CP: variants seen among roughly 807,000 people sequenced by gnomAD.
The protein encoded by CP is caeruloplasmin.
CP carries 64 observed loss-of-function variants against 122.4 expected under a neutral mutation model. The observed-to-expected ratio is 0.52, with a 90% CI of 0.43 to 0.64. The LOEUF is 0.64. CP is among the 30% of genes least tolerant of loss of function. The pLI is 0.00. For missense variants in CP, 1,167 were observed against 1,284.4 expected (o/e 0.91, Z 1.40); for synonymous variants, 440 against 436.4 (o/e 1.01, Z -0.10).
In CP at chr3:149,194,647, T is replaced by C. The variant is rs561123720; in HGVS notation, c.1713+3720A>G. On this transcript the variant is annotated intron_variant, in intron 9 of 18. Coordinates refer to ENST00000264613, the MANE Select transcript of CP (RefSeq NM_000096.4). ...AATCCAAGATCCATATAAGAGGAACTATAAAATACTCTTGAAAAACACAAA... is the reference window on the plus strand; with the variant it reads ...AATCCAAGATCCATATAAGAGGAACCATAAAATACTCTTGAAAAACACAAA... 5.3e-5 allele frequency among the ~76,000 whole-genome samples: 8 copies of C among 152,208 alleles called. No individual in the cohort carries two copies. The South Asian group carries it at 1.7e-3, about 32-fold the overall frequency.
rs1345717285 is a variant in CP, at chr3:149,198,559, G to A, written c.1521C>T (p.Ser507=). ...PQSRSVPPSA[S]HVAPTETFTY... is the part of the protein sequence containing the mutation. Reference sequence around the variant, plus strand: ...TGAATGTTTCTGTGGGTGCCACATGGGAGGCTGAAGGAGGCACACCTGTGA... The same window carrying A: ...TGAATGTTTCTGTGGGTGCCACATGAGAGGCTGAAGGAGGCACACCTGTGA... The change falls in exon 9 of 19, where the codon TCC becomes TCT. Residue 507 remains serine, a synonymous_variant. Coordinates refer to ENST00000264613, the MANE Select transcript of CP (RefSeq NM_000096.4). 7 of 1,613,792 alleles carry A rather than the reference G, an allele frequency of 4.3e-6. No individual in the cohort carries two copies. In the East Asian group the frequency reaches 1.6e-4, roughly 36 times the overall value.
chr3:149,199,749 G>T lies in CP; in HGVS notation c.1464C>A (p.Gly488=). ...IGVRFNKNNE[G]TYYSPNYNPQ... ...GGTTGTAATTTGGGGAATAGTATGT[G>T]CCCTCGTTGTTCTTATTGAATCTCA... The change falls in exon 8 of 19, where the codon GGC becomes GGA. Residue 488 remains glycine, a synonymous_variant. Coordinates refer to ENST00000264613, the MANE Select transcript of CP (RefSeq NM_000096.4). 1 of 1,614,130 alleles carries T rather than the reference G, an allele frequency of 6.2e-7. No homozygotes were observed. Among genetic ancestry groups the T allele is most frequent in the Non-Finnish European group, 8.5e-7 (1 of 1,180,008 alleles).
chr3:149,191,869 G>A (rs965795115), intron 9 of CP, among the ~76,000 whole-genome samples: 3 of 151,882 alleles, frequency 2.0e-5, no homozygotes, highest in Non-Finnish European at 2.9e-5. Context: ...CATGCAGGAC[G>A]AATATGAAAA....
Position 149,217,389 on chromosome 3 carries a change from G to A in CP, c.146+4258C>T, listed in dbSNP as rs187281575. ...CAACATCAGCGCCTTGGGTTCCTAC[G>A]TAAGCAAACCAAAACCCAATTCAAT... is the stretch of plus-strand genomic sequence containing the variant. On this transcript the variant is annotated intron_variant, in intron 1 of 18. Coordinates refer to ENST00000264613, the MANE Select transcript of CP (RefSeq NM_000096.4). Among the ~76,000 whole-genome samples, 10 of 152,222 alleles carry A rather than the reference G, an allele frequency of 6.6e-5. No individual in the cohort carries two copies. In the East Asian group the frequency reaches 7.7e-4, roughly 12 times the overall value.
At chr3:149,215,721 G>C (rs1375109299) in intron 1 of CP, among the ~76,000 whole-genome samples, 1 of 152,184 alleles carries the variant, frequency 6.6e-6, no homozygotes, top group East Asian at 1.9e-4. Context: ...TTGCCAGTTA[G>C]ATATTCAGCC....
At position 149,182,148 on chromosome 3, in the gene CP, G is replaced by A; in HGVS notation, c.2426-15C>T. The A allele has an allele frequency of 6.2e-7, 1 of 1,613,934 alleles. No homozygotes were observed. ...AAGTTGTGGACCTGGCAAAAGTGAAGAGGAAGAGTGTCCAATCAGAAGGTC... is the reference window on the plus strand; with the variant it reads ...AAGTTGTGGACCTGGCAAAAGTGAAAAGGAAGAGTGTCCAATCAGAAGGTC... On this transcript the variant is annotated splice_polypyrimidine_tract_variant and intron_variant, in intron 13 of 18. Coordinates refer to ENST00000264613, the MANE Select transcript of CP (RefSeq NM_000096.4).
intron 9 of CP, among the ~76,000 whole-genome samples, chr3:149,193,713 A>G (rs1033097811): frequency 1.1e-4 from 17 of 152,180 alleles, no homozygotes; most frequent in African/African-American, 3.6e-4. Flanking sequence ...TTGTCAGCTT[A>G]ATACATTTTA....
intron 9 of CP, among the ~76,000 whole-genome samples, chr3:149,191,245 T>TTG: frequency 8.4e-4 from 1 of 1,184 alleles, no homozygotes; most frequent in Middle Eastern, 0.25. Flanking sequence ...ATTACGCTAT[T>TTG]TTTTTTTTTT....
chr3:149,177,790 T>G, intron 17 of CP, 50 bp downstream of exon 17: 3 of 1,590,440 alleles, frequency 1.9e-6, no homozygotes, highest in South Asian at 2.2e-5. Context: ...TTCACTTGTA[T>G]TAAAACATTT....
Position 149,207,770 on chromosome 3 carries a change from T to A in CP, c.782-153A>T, listed in dbSNP as rs1317341581. ...CTATACTCATGTCAGACATTGCTAA[T>A]CAATCACAGCACTCTTTCATTTTGG... On this transcript the variant is annotated intron_variant, in intron 4 of 18. Coordinates refer to ENST00000264613, the MANE Select transcript of CP (RefSeq NM_000096.4). 4 of 781,416 alleles carry A rather than the reference T, an allele frequency of 5.1e-6. No individual in the cohort carries two copies. The East Asian group carries it at 1.1e-4, about 21-fold the overall frequency. The allele number at this position is 781,416 out of a possible 1,614,324, so 48.4% of individuals were successfully genotyped here. A position where few individuals can be genotyped will look rare whatever the true frequency, so the allele number is the denominator to read the frequency against.
intron 4 of CP, among the ~76,000 whole-genome samples, chr3:149,208,904 T>G (rs1165084837): frequency 1.3e-5 from 2 of 152,196 alleles, no homozygotes; most frequent in Non-Finnish European, 2.9e-5. Context: ...TGGAGCTGCC[T>G]CAAATAATTT....
intron 1 of CP, among the ~76,000 whole-genome samples, chr3:149,217,245 TTAAAGTAAA>T (rs1253299775): frequency 6.6e-6 from 1 of 152,122 alleles, no homozygotes; most frequent in Non-Finnish European, 1.5e-5. Context: ...AATGAGTCAT[TTAAAGTAAA>T]TTTTCCAGAA....
chr3:149,212,796 A>G, intron 1 of CP, 98 bp from the exon 2 acceptor site: 1 of 1,393,408 alleles, frequency 7.2e-7, no homozygotes, highest in Non-Finnish European at 9.7e-7. Flanking sequence ...GAAATTAATG[A>G]GCACATCACA....
chr3:149,217,152 G>A (rs1299126103), intron 1 of CP, among the ~76,000 whole-genome samples: 4 of 151,992 alleles, frequency 2.6e-5, no homozygotes, highest in African/African-American at 9.7e-5. Context: ...ACCTGCCTTG[G>A]CCTCCCAAAG....
chr3:149,211,109 G>A (rs1403989465), intron 2 of CP, among the ~76,000 whole-genome samples: 1 of 152,122 alleles, frequency 6.6e-6, no homozygotes, highest in Non-Finnish European at 1.5e-5. Flanking sequence ...TTTATGCTAT[G>A]AATGTAATTT....
intron 9 of CP, among the ~76,000 whole-genome samples, chr3:149,188,490 CAAAAAAAAAAAA>C (rs60815739): frequency 6.7e-4 from 31 of 46,090 alleles, no homozygotes; most frequent in African/African-American, 1.4e-3. Flanking sequence ...TTGAAGCCTC[CAAAAAAAAAAAA>C]AAAAAAAAAA....
At chr3:149,171,144 G>T (rs181010451), downstream of CP, among the ~76,000 whole-genome samples, 149 of 152,226 alleles carry the variant, frequency 9.8e-4, 1 homozygote, top group Non-Finnish European at 7.4e-5. Flanking sequence ...TGGACGTGGT[G>T]GTGCGCACCT....
intron 4 of CP, among the ~76,000 whole-genome samples, chr3:149,208,523 C>T (rs1282671444): frequency 6.6e-6 from 1 of 152,078 alleles, no homozygotes; most frequent in Admixed American, 6.6e-5. Context: ...TATTTTTGTG[C>T]TCTCGGTTTC....
chr3:149,164,152 C>T (rs569200784), intron 5 of CP, among the ~76,000 whole-genome samples: 29 of 152,208 alleles, frequency 1.9e-4, no homozygotes, highest in African/African-American at 6.3e-4. Flanking sequence ...CTGTGCTGAG[C>T]GGCTGGTTTT....
Sources: allele counts gnomAD v4.1 joint callset (sites outside exome capture counted in the v4.1 genomes callset), GRCh38; gene constraint gnomAD v4.1.1; transcripts MANE v1.5; gene names NCBI Gene and HGNC (gene_info 2026-07-23, HGNC 2026-07-21).